Variants in SCRG1 observed in about 807,000 individuals in gnomAD.
SCRG1 encodes stimulator of chondrogenesis 1.
SCRG1 carries 3 observed loss-of-function variants against 7.7 expected under a neutral mutation model. That is an observed-to-expected ratio of 0.39 (90% confidence interval 0.18 to 1.01). The LOEUF is 1.01. SCRG1 is among the 50% of genes least tolerant of loss of function. The probability of loss-of-function intolerance (pLI) is 0.36; values close to 1 mark genes in which losing one functional copy is unlikely to be tolerated. For missense variants in SCRG1, 110 were observed against 117.2 expected, an observed-to-expected ratio of 0.94 and a Z score of 0.28; for synonymous variants, 46 against 41.2, an observed-to-expected ratio of 1.12 and a Z score of -0.44.
At chr4:173,483,967 T>A in the SCRG1 span, among the ~76,000 whole-genome samples, 15 of 86,306 alleles carry the variant, frequency 1.7e-4, no homozygotes, top group South Asian at 5.5e-3. Context: ...ATTATATATT[T>A]TATATAATAT....
the SCRG1 span, among the ~76,000 whole-genome samples, chr4:173,497,869 A>G: frequency 0.055 from 8,307 of 151,950 alleles, 364 homozygotes; most frequent in East Asian, 0.2. Flanking sequence ...TAGTAGAGAC[A>G]GGGTTTTACC....
chr4:173,501,980 G>C, the SCRG1 span, among the ~76,000 whole-genome samples: 1 of 152,122 alleles, frequency 6.6e-6, no homozygotes, highest in Admixed American at 6.5e-5. The surrounding 1 kb of genome is among the most constrained non-coding windows in gnomAD (Gnocchi z 5.1). Context: ...ACAAGACCAC[G>C]GAAAGCCAGG....
intron 2 of SCRG1, among the ~76,000 whole-genome samples, chr4:173,390,344 G>A (rs1310038155): frequency 6.6e-6 from 1 of 152,104 alleles, no homozygotes; most frequent in Non-Finnish European, 1.5e-5. Flanking sequence ...AAATTGTCTT[G>A]AACTTCTATC....
chr4:173,508,952 G>A, the SCRG1 span, among the ~76,000 whole-genome samples: 1 of 152,198 alleles, frequency 6.6e-6, no homozygotes, highest in Non-Finnish European at 1.5e-5. This position sits in a 1 kb window ranked among gnomAD's most constrained non-coding sequence, Gnocchi z 4.4. Flanking sequence ...CGGGTGCCGA[G>A]GCGAGATAGC....
At chr4:173,457,956 T>C in the SCRG1 span, among the ~76,000 whole-genome samples, 1 of 152,174 alleles carries the variant, frequency 6.6e-6, no homozygotes, top group African/African-American at 2.4e-5. Context: ...CTGTCTGTCT[T>C]CAACTACAGG....
the SCRG1 span, among the ~76,000 whole-genome samples, chr4:173,495,596 A>T: frequency 6.6e-6 from 1 of 152,254 alleles, no homozygotes; most frequent in Non-Finnish European, 1.5e-5. Flanking sequence ...AGACTTTTGC[A>T]TTCACTTTTC....
the SCRG1 span, chr4:173,419,997 G>T: frequency 1.4e-6 from 1 of 690,168 alleles, no homozygotes; most frequent in Admixed American, 1.8e-5. Context: ...TCCTGTATTT[G>T]GGTGTGTTGT....
chr4:173,400,099 T>C (rs927889368), upstream of SCRG1, among the ~76,000 whole-genome samples: 7 of 152,142 alleles, frequency 4.6e-5, no homozygotes, highest in African/African-American at 7.2e-5. Context: ...TGAAAACATA[T>C]TAAAAAGGAT....
chr4:173,506,251 C>T, the SCRG1 span, among the ~76,000 whole-genome samples: 1 of 152,292 alleles, frequency 6.6e-6, no homozygotes, highest in East Asian at 1.9e-4. This position sits in a 1 kb window ranked among gnomAD's most constrained non-coding sequence, Gnocchi z 5.3. Flanking sequence ...GGCCCTACAG[C>T]TTAAAATAGT....
At chr4:173,505,934 AGAAACGGCT>A in the SCRG1 span, among the ~76,000 whole-genome samples, 2 of 152,182 alleles carry the variant, frequency 1.3e-5, no homozygotes, top group Admixed American at 6.5e-5. The surrounding 1 kb of genome is among the most constrained non-coding windows in gnomAD (Gnocchi z 4.4). Flanking sequence ...TGACAAGTGG[AGAAACGGCT>A]GAGGTGGCAC....
At chr4:173,453,570 C>T in the SCRG1 span, among the ~76,000 whole-genome samples, 1 of 152,262 alleles carries the variant, frequency 6.6e-6, no homozygotes, top group East Asian at 1.9e-4. Flanking sequence ...ATACTCCAGG[C>T]AACTGCAACA....
At chr4:173,427,954 A>T in the SCRG1 span, among the ~76,000 whole-genome samples, 1 of 152,224 alleles carries the variant, frequency 6.6e-6, no homozygotes, top group Non-Finnish European at 1.5e-5. Context: ...TTACTTTGGG[A>T]TTAAATGGAC....
At chr4:173,389,985 T>C (rs1739377430) in intron 2 of SCRG1, 2 of 253,664 alleles carry the variant, frequency 7.9e-6, no homozygotes, top group Admixed American at 8.8e-5. Context: ...GGGAAATGAT[T>C]TTAAAATCAA....
chr4:173,495,512 G>A, the SCRG1 span, among the ~76,000 whole-genome samples: 2 of 152,212 alleles, frequency 1.3e-5, no homozygotes, highest in African/African-American at 2.4e-5. Context: ...ATATGAAAAT[G>A]TGTACATGCA....
At chr4:173,496,575 G>A in the SCRG1 span, among the ~76,000 whole-genome samples, 2 of 152,300 alleles carry the variant, frequency 1.3e-5, no homozygotes, top group African/African-American at 2.4e-5. Flanking sequence ...CCAAGAACAG[G>A]TCTGAATTGT....
the SCRG1 span, among the ~76,000 whole-genome samples, chr4:173,472,306 T>G: frequency 2.6e-5 from 4 of 152,256 alleles, no homozygotes; most frequent in Non-Finnish European, 5.9e-5. Flanking sequence ...AAGCATTATT[T>G]TTACGTGAAG....
At chr4:173,421,908 T>G in the SCRG1 span, among the ~76,000 whole-genome samples, 9 of 152,182 alleles carry the variant, frequency 5.9e-5, no homozygotes, top group African/African-American at 1.9e-4. Flanking sequence ...TTTTGTTTTC[T>G]TCCTCGATAG....
chr4:173,424,501 G>T, the SCRG1 span, among the ~76,000 whole-genome samples: 1 of 152,146 alleles, frequency 6.6e-6, no homozygotes, highest in African/African-American at 2.4e-5. Flanking sequence ...GGATACATGA[G>T]GCCAGGATGC....
the SCRG1 span, among the ~76,000 whole-genome samples, chr4:173,447,289 T>C: frequency 1.3e-5 from 2 of 152,190 alleles, no homozygotes; most frequent in Non-Finnish European, 2.9e-5. Flanking sequence ...ACTAATCCCA[T>C]TTATGAGCGT....
Sources: gnomAD v4.1 joint callset for allele counts (sites outside exome capture counted in the v4.1 genomes callset) on GRCh38, gnomAD v4.1.1 for gene constraint, Gnocchi (gnomAD v3.1) non-coding constraint, MANE v1.5 for transcripts, NCBI Gene and HGNC (gene_info 2026-07-23, HGNC 2026-07-21) for gene names.